MED13L: variants seen among roughly 807,000 people sequenced by gnomAD.
The protein encoded by MED13L is mediator complex subunit 13L.
In MED13L, 7 loss-of-function variants were observed where a neutral mutation model predicts 220.9. That is an observed-to-expected ratio of 0.03 (90% CI 0.02 to 0.06). The LOEUF (loss-of-function observed/expected upper bound fraction) is 0.06. Ranked by LOEUF, MED13L falls within the 10% of genes least tolerant of loss-of-function variation. MED13L has a pLI of 1.00. For missense variants in MED13L, 1,965 were observed against 2,760.5 expected, an observed-to-expected ratio of 0.71 and a Z score of 6.46; for synonymous variants, 1,011 against 1,015.2, an observed-to-expected ratio of 1.00 and a Z score of 0.08.
intron 7 of MED13L, among the ~76,000 whole-genome samples, chr12:116,017,091 G>C (rs576819674): frequency 6.6e-6 from 1 of 152,082 alleles, no homozygotes. Context: ...CAAGGATATC[G>C]GCAGCTTTTG....
intron 2 of MED13L, among the ~76,000 whole-genome samples, chr12:116,137,353 G>A (rs1420358638): frequency 2.6e-5 from 4 of 152,074 alleles, no homozygotes; most frequent in African/African-American, 9.7e-5. Context: ...ACTCTTATGA[G>A]GTAGACAAAT....
intron 2 of MED13L, among the ~76,000 whole-genome samples, chr12:116,141,897 G>A (rs1000381059): frequency 6.6e-6 from 1 of 151,814 alleles, no homozygotes; most frequent in South Asian, 2.1e-4. Flanking sequence ...TTCATAAATT[G>A]TCCCCCACAC....
At chr12:116,196,941 C>CT (rs1359562183) in intron 2 of MED13L, among the ~76,000 whole-genome samples, 1 of 152,098 alleles carries the variant, frequency 6.6e-6, no homozygotes, top group Non-Finnish European at 1.5e-5. Flanking sequence ...CTTAGTAATT[C>CT]TTTTTGATGG....
chr12:115,988,036 A>G (rs950782777), intron 17 of MED13L, among the ~76,000 whole-genome samples: 1 of 152,150 alleles, frequency 6.6e-6, no homozygotes, highest in Non-Finnish European at 1.5e-5. Flanking sequence ...GATTCTTAAA[A>G]AGGTCTGCAG....
intron 1 of MED13L, among the ~76,000 whole-genome samples, chr12:116,271,625 CAAAAA>C (rs768668777): frequency 1.4e-5 from 1 of 69,098 alleles, no homozygotes; most frequent in Admixed American, 1.7e-4. Flanking sequence ...GACTCCGTCT[CAAAAA>C]AAAAAAAAAA....
At chr12:116,005,739 A>G in intron 13 of MED13L, 130 bp downstream of exon 13, 2 of 1,210,972 alleles carry the variant, frequency 1.7e-6, no homozygotes, top group Non-Finnish European at 2.4e-6. Flanking sequence ...AGACATTTAT[A>G]AAGAACATTC....
chr12:116,206,986 C>T (rs1170848758), intron 2 of MED13L, among the ~76,000 whole-genome samples: 1 of 152,080 alleles, frequency 6.6e-6, no homozygotes, highest in Non-Finnish European at 1.5e-5. Context: ...TTCTGAGTGA[C>T]TTTAAAGCAT....
intron 4 of MED13L, among the ~76,000 whole-genome samples, chr12:116,052,908 C>T (rs1009728676): frequency 6.6e-6 from 1 of 152,130 alleles, no homozygotes; most frequent in Non-Finnish European, 1.5e-5. Flanking sequence ...AAGTCAAATG[C>T]ATTTCAGTAA....
chr12:116,077,137 T>C (rs978927375), intron 4 of MED13L, among the ~76,000 whole-genome samples: 3 of 152,236 alleles, frequency 2.0e-5, no homozygotes, highest in African/African-American at 7.2e-5. Context: ...ATCTCTTCTT[T>C]ACTAGAGCCC....
intron 2 of MED13L, among the ~76,000 whole-genome samples, chr12:116,134,595 T>G (rs1876364970): frequency 6.6e-6 from 1 of 152,180 alleles, no homozygotes; most frequent in African/African-American, 2.4e-5. Context: ...AAAACTTTCA[T>G]TTTAGTTGAG....
intron 5 of MED13L, among the ~76,000 whole-genome samples, chr12:116,022,032 T>G (rs141271025): frequency 3.3e-5 from 5 of 152,206 alleles, no homozygotes; most frequent in African/African-American, 1.2e-4. Flanking sequence ...TTGATTCTGA[T>G]AGAAATTTCA....
At chr12:116,037,850 G>A (rs1356446676) in intron 4 of MED13L, among the ~76,000 whole-genome samples, 1 of 152,166 alleles carries the variant, frequency 6.6e-6, no homozygotes, top group Non-Finnish European at 1.5e-5. Context: ...AAGAGGCTGA[G>A]GGGTCCCACT....
intron 17 of MED13L, among the ~76,000 whole-genome samples, chr12:115,989,519 C>T (rs1877916988): frequency 6.6e-6 from 1 of 151,922 alleles, no homozygotes; most frequent in Non-Finnish European, 1.5e-5. Context: ...CATCTGTGCC[C>T]CCTTAATTGA....
At chr12:115,990,732 G>A (rs1489876576) in intron 17 of MED13L, among the ~76,000 whole-genome samples, 5 of 152,104 alleles carry the variant, frequency 3.3e-5, no homozygotes, top group Non-Finnish European at 7.4e-5. Context: ...AGCTCCTGAC[G>A]ACTCTGATAC....
Position 115,991,363 on chromosome 12 carries a change from T to C in MED13L, c.3591A>G (p.Ala1197=). 6.2e-7 allele frequency: 1 copy of C among 1,614,010 alleles called. No homozygotes were observed. Among genetic ancestry groups the C allele is most frequent in the Non-Finnish European group, 8.5e-7 (1 of 1,180,020 alleles). The change falls in exon 17 of 31, where the codon GCA becomes GCG. Residue 1197 remains alanine (A), a synonymous_variant. Coordinates refer to ENST00000281928, the MANE Select transcript of MED13L (RefSeq NM_015335.5). The surrounding 1 kb of genome is among the most constrained non-coding windows in gnomAD (Gnocchi z 7.7). ...FGKNSDIGQA[A]ERRLMMCQST... ...ACTGACACATCATTAAGCGCCTCTC[T>C]GCAGCCTGACCAATATCAGAATTCT...
chr12:116,247,601 C>A (rs1238914034), intron 1 of MED13L, among the ~76,000 whole-genome samples: 1 of 150,906 alleles, frequency 6.6e-6, no homozygotes, highest in African/African-American at 2.4e-5. Context: ...AGACACTGGG[C>A]CTCCCATCTG....
rs575823998 is a variant in MED13L, at chr12:116,004,252, A to G, written c.2470-1150T>C. ...CACCATTGCCAAAGCACCTATCCTA[A>G]CCCTCTGTATCTTTAAAACCAAACC... On this transcript the variant is annotated intron_variant, in intron 13 of 30. Transcript: ENST00000281928. Among the ~76,000 whole-genome samples, 9 of 152,056 alleles carry G rather than the reference A, an allele frequency of 5.9e-5. No individual in the cohort carries two copies. The South Asian group carries it at 1.9e-3, about 32-fold the overall frequency.
At chr12:116,016,797 A>C (rs1341942416) in intron 7 of MED13L, among the ~76,000 whole-genome samples, 1 of 152,210 alleles carries the variant, frequency 6.6e-6, no homozygotes, top group Non-Finnish European at 1.5e-5. Context: ...ACTTGCAATT[A>C]CCTCTACATA....
At chr12:116,232,322 C>CGAA (rs1017905235) in intron 2 of MED13L, among the ~76,000 whole-genome samples, 1 of 151,856 alleles carries the variant, frequency 6.6e-6, no homozygotes, top group African/African-American at 2.4e-5. Flanking sequence ...ATTTATATGT[C>CGAA]TAATAATCAA....
Sources: allele counts gnomAD v4.1 joint callset (sites outside exome capture counted in the v4.1 genomes callset), GRCh38; gene constraint gnomAD v4.1.1; non-coding constraint Gnocchi (gnomAD v3.1); transcripts MANE v1.5; gene names NCBI Gene and HGNC (gene_info 2026-07-23, HGNC 2026-07-21).